CADM2: variants seen among roughly 807,000 people sequenced by gnomAD.
CADM2 encodes cell adhesion molecule 2.
CADM2 carries 12 observed loss-of-function variants against 49.8 expected under a neutral mutation model. That is an observed-to-expected ratio of 0.24 (90% CI 0.15 to 0.39). The LOEUF (loss-of-function observed/expected upper bound fraction) is 0.39. Among genes scored for constraint, CADM2 ranks in the 10% least tolerant of loss-of-function variants. The pLI is 1.00. For missense variants in CADM2, 378 were observed against 492.3 expected (o/e 0.77, Z 2.20); for synonymous variants, 214 against 175.4 (o/e 1.22, Z -1.74).
chr3:85,078,191 C>T (rs1215821997), intron 1 of CADM2, among the ~76,000 whole-genome samples: 1 of 151,924 alleles, frequency 6.6e-6, no homozygotes, highest in Non-Finnish European at 1.5e-5. Flanking sequence ...GTATCACTGC[C>T]TTTCTTTAAA....
intron 1 of CADM2, among the ~76,000 whole-genome samples, chr3:85,234,727 TCC>T (rs1386665993): frequency 3.3e-5 from 5 of 152,146 alleles, no homozygotes; most frequent in African/African-American, 1.2e-4. Context: ...AGAACTTTTC[TCC>T]AGAGTAGTAA....
intron 1 of CADM2, among the ~76,000 whole-genome samples, chr3:85,711,673 T>C (rs1008050067): frequency 2.6e-5 from 4 of 152,192 alleles, no homozygotes; most frequent in African/African-American, 9.6e-5. Context: ...AAGATAAAAC[T>C]GTTTTTATTT....
rs558496336 is a variant in CADM2, at chr3:85,412,517, T to C, written c.62-314005T>C. ...TGCCAAAACCAAAACTAAGGTATCCTAGGTCCTATGTAATTCGTTTTTTTT... is the reference window on the plus strand; with the variant it reads ...TGCCAAAACCAAAACTAAGGTATCCCAGGTCCTATGTAATTCGTTTTTTTT... On this transcript the variant is annotated intron_variant, in intron 1 of 9. Transcript: ENST00000383699. 2.4e-3 allele frequency among the ~76,000 whole-genome samples: 332 copies of C among 141,128 alleles called. 3 individuals are homozygous for C. Among genetic ancestry groups the C allele is most frequent in the Non-Finnish European group, 4.0e-3 (262 of 64,916 alleles). The allele number at this position is 141,128 out of a possible 152,430, so 92.6% of individuals were successfully genotyped here.
At chr3:85,283,631 T>C (rs897822374) in intron 1 of CADM2, among the ~76,000 whole-genome samples, 10 of 152,172 alleles carry the variant, frequency 6.6e-5, no homozygotes, top group Admixed American at 1.3e-4. Flanking sequence ...AATTTGTTTT[T>C]ATTTTAGTTT....
intron 1 of CADM2, among the ~76,000 whole-genome samples, chr3:85,572,034 T>G (rs896661820): frequency 6.6e-6 from 1 of 152,186 alleles, no homozygotes; most frequent in Admixed American, 6.5e-5. Flanking sequence ...TGGTGACTCA[T>G]GCCTGTAATC....
intron 6 of CADM2, among the ~76,000 whole-genome samples, chr3:85,928,028 G>A (rs1720103657): frequency 6.6e-6 from 1 of 151,996 alleles, no homozygotes; most frequent in Non-Finnish European, 1.5e-5. Context: ...TCCTTGCTAA[G>A]GATATAGAAA....
At chr3:84,967,572 A>C (rs1197849414) in intron 1 of CADM2, among the ~76,000 whole-genome samples, 1 of 152,088 alleles carries the variant, frequency 6.6e-6, no homozygotes, top group African/African-American at 2.4e-5. Context: ...ACTGCTCTCT[A>C]TTTTATGTGC....
At chr3:85,911,602 T>G (rs1404054432) in intron 5 of CADM2, among the ~76,000 whole-genome samples, 1 of 152,210 alleles carries the variant, frequency 6.6e-6, no homozygotes, top group African/African-American at 2.4e-5. Context: ...CTTTAGCAAT[T>G]TATGTTCACC....
chr3:85,584,293 A>G (rs917935725), intron 1 of CADM2, among the ~76,000 whole-genome samples: 3 of 152,066 alleles, frequency 2.0e-5, no homozygotes, highest in African/African-American at 7.2e-5. Context: ...CACTGGGAGC[A>G]TTCTGTATAT....
chr3:85,909,820 C>T (rs1717320004), intron 5 of CADM2, among the ~76,000 whole-genome samples: 1 of 152,110 alleles, frequency 6.6e-6, no homozygotes, highest in African/African-American at 2.4e-5. Flanking sequence ...CTGTGTAATG[C>T]ATCGTTATTT....
intron 1 of CADM2, among the ~76,000 whole-genome samples, chr3:85,189,724 G>C (rs2041159544): frequency 6.6e-6 from 1 of 151,994 alleles, no homozygotes; most frequent in Non-Finnish European, 1.5e-5. Context: ...CATTCTTTAG[G>C]GGGGACCTCC....
intron 2 of CADM2, among the ~76,000 whole-genome samples, chr3:85,769,567 G>A (rs9837591): frequency 0.34 from 12,957 of 38,508 alleles, 3,117 homozygotes; most frequent in East Asian, 0.59. Flanking sequence ...ATATATACAC[G>A]TATATACATA....
At chr3:85,227,836 G>A (rs1385552328) in intron 1 of CADM2, among the ~76,000 whole-genome samples, 1 of 152,108 alleles carries the variant, frequency 6.6e-6, no homozygotes, top group Non-Finnish European at 1.5e-5. Flanking sequence ...ACCTGTTCGT[G>A]ACAAAATCAC....
intron 1 of CADM2, among the ~76,000 whole-genome samples, chr3:85,113,715 C>T (rs554207936): frequency 3.4e-5 from 5 of 146,786 alleles, no homozygotes; most frequent in African/African-American, 1.0e-4. Flanking sequence ...ATAGGCAATC[C>T]TACTTATCAG....
chr3:85,109,266 G>C (rs763492830), intron 1 of CADM2, among the ~76,000 whole-genome samples: 16 of 151,876 alleles, frequency 1.1e-4, no homozygotes, highest in Non-Finnish European at 2.1e-4. Flanking sequence ...GCTAACGAGG[G>C]TGTCCATAAA....
intron 1 of CADM2, among the ~76,000 whole-genome samples, chr3:85,641,109 C>G (rs2064696062): frequency 6.6e-6 from 1 of 152,166 alleles, no homozygotes. Flanking sequence ...CACTGCATTG[C>G]ATGTCACAAA....
At chr3:85,893,587 A>G (rs1296048832) in intron 5 of CADM2, among the ~76,000 whole-genome samples, 1 of 152,244 alleles carries the variant, frequency 6.6e-6, no homozygotes, top group Non-Finnish European at 1.5e-5. Flanking sequence ...AAATTTCTGC[A>G]ATCTACTCAC....
At chr3:85,337,954 T>G (rs908933023) in intron 1 of CADM2, among the ~76,000 whole-genome samples, 3 of 151,662 alleles carry the variant, frequency 2.0e-5, no homozygotes, top group Non-Finnish European at 4.4e-5. Context: ...TAGGGATACA[T>G]TTACAGTGTT....
chr3:85,758,542 A>G (rs1199541756), intron 2 of CADM2, among the ~76,000 whole-genome samples: 1 of 151,816 alleles, frequency 6.6e-6, no homozygotes, highest in Non-Finnish European at 1.5e-5. Context: ...TAAAACACAG[A>G]CAAATTTATT....
Sources: allele counts gnomAD v4.1 joint callset (sites outside exome capture counted in the v4.1 genomes callset), GRCh38; gene constraint gnomAD v4.1.1; transcripts MANE v1.5; gene names NCBI Gene and HGNC (gene_info 2026-07-23, HGNC 2026-07-21).